The following TARDBP variants were observed in gnomAD, a reference collection of about 807,000 sequenced individuals.
The protein encoded by TARDBP is TAR DNA binding protein, also known as TAR DNA-binding protein 43.
A neutral mutation model predicts 38.3 loss-of-function variants in TARDBP; 4 were observed. The ratio of observed to expected loss-of-function variants is 0.10; its 90% CI spans 0.05 to 0.24. The LOEUF (loss-of-function observed/expected upper bound fraction) is 0.24. Ranked by LOEUF, TARDBP falls within the 10% of genes least tolerant of loss-of-function variation. The pLI is 1.00. For synonymous variants in TARDBP, 184 were observed against 183.8 expected, an observed-to-expected ratio of 1.00 and a Z score of -0.01; for missense variants, 202 against 521.9, an observed-to-expected ratio of 0.39 and a Z score of 5.97.
downstream of TARDBP, chr1:11,027,136 T>C: frequency 6.2e-7 from 1 of 1,613,120 alleles, no homozygotes; most frequent in Non-Finnish European, 8.5e-7. Flanking sequence ...TAGGGTGGCT[T>C]TTCATATGCA....
chr1:11,015,164 A>G (rs1450866405), intron 2 of TARDBP, among the ~76,000 whole-genome samples: 4 of 151,844 alleles, frequency 2.6e-5, no homozygotes, highest in Non-Finnish European at 5.9e-5. Flanking sequence ...TTCTTCAGCC[A>G]GTGGGTATAG....
In TARDBP at chr1:11,023,227, T is replaced by A; in HGVS notation, c.*573T>A. The stretch of plus-strand genomic sequence containing the variant: ...TTTCAAATGTTTATGGAAGAAGCAC[T>A]TCATTGAAAGTAGTGCTGTAAATAT... On this transcript the variant is annotated 3_prime_UTR_variant, in exon 6 of 6. Transcript: ENST00000240185. 4.5e-6 allele frequency: 7 copies of A among 1,550,534 alleles called. No individual in the cohort carries two copies. Among genetic ancestry groups the A allele is most frequent in the Non-Finnish European group, 6.1e-6 (7 of 1,146,844 alleles).
At chr1:11,021,380 A>G (rs552787389) in intron 5 of TARDBP, among the ~76,000 whole-genome samples, 1 of 152,064 alleles carries the variant, frequency 6.6e-6, no homozygotes, top group Non-Finnish European at 1.5e-5. Context: ...ACCTCAGGTG[A>G]TCTGCCCATC....
At chr1:11,021,217 C>T (rs1001257419) in intron 5 of TARDBP, among the ~76,000 whole-genome samples, 13 of 151,832 alleles carry the variant, frequency 8.6e-5, no homozygotes, top group Admixed American at 6.6e-4. Flanking sequence ...TGGCTCGCTG[C>T]ATCCTCCACC....
In TARDBP at chr1:11,013,861, A is replaced by G. The variant is rs1643464086; in HGVS notation, c.134A>G (p.Asn45Ser). The change falls in exon 2 of 6, where the codon AAT (asparagine) becomes AGT (serine). Residue 45 changes from asparagine to serine, a missense_variant. By Grantham distance (46) the Asn-to-Ser change is conservative. This residue lies in a region of TARDBP where 71 missense variants were observed against 185.4 expected (regional missense o/e 0.38). Coordinates refer to ENST00000240185, the MANE Select transcript of TARDBP (RefSeq NM_007375.4). ...FPGACGLRYR[N>S]PVSQCMRGVR... ...GGGGCGTGTGGGCTTCGCTACAGGA[A>G]TCCAGTGTCTCAGTGTATGAGAGGT... 1.2e-6 allele frequency: 2 copies of G among 1,614,056 alleles called. No homozygotes were observed. Among genetic ancestry groups the G allele is most frequent in the African/African-American group, 2.7e-5 (2 of 74,944 alleles).
chr1:11,013,310 C>T (rs371659108), intron 1 of TARDBP, among the ~76,000 whole-genome samples: 76 of 152,376 alleles, frequency 5.0e-4, no homozygotes, highest in African/African-American at 1.7e-3. Flanking sequence ...CGACTGGGAC[C>T]TATCACGCCC....
chr1:11,018,627 T>C, intron 3 of TARDBP, 106 bp from the exon 4 acceptor site: 2 of 1,527,424 alleles, frequency 1.3e-6, no homozygotes, highest in South Asian at 2.3e-5. Flanking sequence ...TTTAAGCCAC[T>C]GCATCCAGTT....
At chr1:11,030,174 A>G, downstream of TARDBP, 1 of 1,607,068 alleles carries the variant, frequency 6.2e-7, no homozygotes, top group Non-Finnish European at 8.5e-7. Flanking sequence ...TGTATCCATT[A>G]CCAGGCTCAC....
In TARDBP at chr1:11,022,585, G is replaced by A; in HGVS notation, c.1176G>A (p.Gly392=). The A allele has an allele frequency of 6.3e-7, 1 of 1,592,036 alleles. No individual in the cohort carries two copies. The highest frequency in any genetic ancestry group is 8.6e-7 in the Non-Finnish European group (1 of 1,169,022). Residue 392 remains glycine, a synonymous_variant, in exon 6 of 6, where the codon GGG becomes GGA. Transcript: ENST00000240185. The surrounding 1 kb of genome is among the most constrained non-coding windows in gnomAD (Gnocchi z 4.5). The part of the protein sequence containing the change: ...AIGWGSASNA[G]SGSGFNGGFG... ...GTTGGGGATCAGCATCCAATGCAGG[G>A]TCGGGCAGTGGTTTTAATGGAGGCT...
rs1369939739 is a variant in TARDBP at position 11,025,056 on chromosome 1, C to T, written c.*2402C>T. ...GAGTTGTTTTAATTTTTTTTTTCTG[C>T]ATCTGAATCTGCATGATTTCCAAAC... is the stretch of plus-strand genomic sequence containing the variant. On this transcript the variant is annotated 3_prime_UTR_variant, in exon 6 of 6. Coordinates refer to ENST00000240185, the MANE Select transcript of TARDBP (RefSeq NM_007375.4). The T allele has an allele frequency of 3.9e-5, 6 of 152,218 alleles. No homozygotes were observed. Among genetic ancestry groups the T allele is most frequent in the Non-Finnish European group, 8.8e-5 (6 of 67,962 alleles). 9.4% of individuals were successfully genotyped at this position (152,218 alleles called of 1,614,324 possible).
At chr1:11,027,894 GTTATT>G (rs1373825992), downstream of TARDBP, among the ~76,000 whole-genome samples, 2 of 152,170 alleles carry the variant, frequency 1.3e-5, no homozygotes, top group Non-Finnish European at 2.9e-5. Flanking sequence ...ACTTTTAGAA[GTTATT>G]TTGTTTTGCT....
intron 2 of TARDBP, among the ~76,000 whole-genome samples, chr1:11,014,653 T>G (rs560894262): frequency 2.0e-5 from 3 of 152,108 alleles, no homozygotes; most frequent in Non-Finnish European, 4.4e-5. Flanking sequence ...TAGGAAAACT[T>G]TAGGGCTAGG....
Position 11,022,559 on chromosome 1 carries a change from G to T in TARDBP, c.1150G>T (p.Gly384Cys). The T allele has an allele frequency of 6.3e-7, 1 of 1,581,720 alleles. No homozygotes were observed. The highest frequency in any genetic ancestry group is 8.6e-7 in the Non-Finnish European group (1 of 1,161,404). ...TGGCTCTAATTCTGGTGCAGCAATT[G>T]GTTGGGGATCAGCATCCAATGCAGG... Reference protein sequence around the residue: ...YSGSNSGAAIGWGSASNAGSG... With the variant: ...YSGSNSGAAICWGSASNAGSG... Residue 384 changes from glycine (G) to cysteine (C), a missense_variant, in exon 6 of 6, where the codon GGT (glycine) becomes TGT (cysteine). This residue lies in a region of TARDBP where 107 missense variants were observed against 190.5 expected (regional missense o/e 0.56). Transcript: ENST00000240185. The surrounding 1 kb of genome is among the most constrained non-coding windows in gnomAD (Gnocchi z 4.5).
At position 11,022,465 on chromosome 1, in the gene TARDBP, T is replaced by C. The variant is rs561479675; in HGVS notation, c.1056T>C (p.Asn352=). 20 of 1,610,400 alleles carry C rather than the reference T, an allele frequency of 1.2e-5. No homozygotes were observed. In the African/African-American group the frequency reaches 1.7e-4, roughly 14 times the overall value. Residue 352 remains asparagine (N), a synonymous_variant, in exon 6 of 6, where the codon AAT becomes AAC. Transcript: ENST00000240185. This position sits in a 1 kb window ranked among gnomAD's most constrained non-coding sequence, Gnocchi z 4.5. ...SQQNQSGPSG[N]NQNQGNMQRE... ...AGAACCAGTCAGGCCCATCGGGTAA[T>C]AACCAAAACCAAGGCAACATGCAGA...
rs1313652486 is a variant in TARDBP at position 11,023,401 on chromosome 1, G to A, written c.*747G>A. On this transcript the variant is annotated 3_prime_UTR_variant, in exon 6 of 6. Transcript: ENST00000240185. ...ATCAACGCTATGAACGCAAGGCTGT[G>A]ATATGGAACCAGAAGGCTGTCTGAA... is the stretch of plus-strand genomic sequence containing the variant. 5 of 831,784 alleles carry A rather than the reference G, an allele frequency of 6.0e-6. No individual in the cohort carries two copies. Among genetic ancestry groups the A allele is most frequent in the Non-Finnish European group, 5.6e-6 (3 of 531,732 alleles). 51.5% of individuals were successfully genotyped at this position (831,784 alleles called of 1,614,324 possible). A position where few individuals can be genotyped will look rare whatever the true frequency, so the allele number is the denominator to read the frequency against.
chr1:11,019,573 T>C (rs1400585639), intron 4 of TARDBP, among the ~76,000 whole-genome samples: 2 of 149,826 alleles, frequency 1.3e-5, no homozygotes, highest in African/African-American at 4.9e-5. Flanking sequence ...CACAACGACT[T>C]TTTTTTTTTG....
downstream of TARDBP, among the ~76,000 whole-genome samples, chr1:11,028,115 G>C (rs1643771371): frequency 6.6e-6 from 1 of 152,046 alleles, no homozygotes; most frequent in African/African-American, 2.4e-5. Context: ...CCAGCCACTT[G>C]GGAGGCTGAG....
At position 11,024,397 on chromosome 1, in the gene TARDBP, C is replaced by T. The variant is rs773363335; in HGVS notation, c.*1743C>T. 1 of 152,554 alleles carries T rather than the reference C, an allele frequency of 6.6e-6. No individual in the cohort carries two copies. The highest frequency in any genetic ancestry group is 1.5e-5 in the Non-Finnish European group (1 of 68,042). 9.5% of individuals were successfully genotyped at this position (152,554 alleles called of 1,614,324 possible). ...GTGCATTTGGGTGATGTTCTATTTA[C>T]ATGGCCTGTGTAAATCTCCATTGGG... is the stretch of plus-strand genomic sequence containing the variant. On this transcript the variant is annotated 3_prime_UTR_variant, in exon 6 of 6. Coordinates refer to ENST00000240185, the MANE Select transcript of TARDBP (RefSeq NM_007375.4).
At chr1:11,030,328 A>C (rs1643822844), downstream of TARDBP, 1 of 996,170 alleles carries the variant, frequency 1.0e-6, no homozygotes, top group Non-Finnish European at 1.6e-6. Context: ...CCCCCTTGAA[A>C]AATGTTGATT....
Sources: allele counts gnomAD v4.1 joint callset (sites outside exome capture counted in the v4.1 genomes callset), GRCh38; gene constraint gnomAD v4.1.1; regional missense constraint gnomAD v4.1.1; non-coding constraint Gnocchi (gnomAD v3.1); transcripts MANE v1.5; gene names NCBI Gene and HGNC (gene_info 2026-07-23, HGNC 2026-07-21).